Variants in DIAPH3 observed in about 807,000 individuals in gnomAD.
DIAPH3 encodes the protein diaphanous related formin 3, also known as protein diaphanous homolog 3.
DIAPH3 carries 117 observed loss-of-function variants against 144.3 expected under a neutral mutation model. The ratio of observed to expected loss-of-function variants is 0.81; its 90% confidence interval spans 0.70 to 0.95. The LOEUF (loss-of-function observed/expected upper bound fraction) is 0.95, where lower values mean the gene tolerates loss of function less well. Among genes scored for constraint, DIAPH3 ranks in the 40% least tolerant of loss-of-function variants. The pLI is 0.00. For missense variants in DIAPH3, 1,421 were observed against 1,412.7 expected (o/e 1.01, Z -0.09); for synonymous variants, 519 against 488.9 (o/e 1.06, Z -0.81).
intron 24 of DIAPH3, 146 bp downstream of exon 24, chr13:59,832,961 T>C (rs1339740859): frequency 7.0e-6 from 5 of 713,764 alleles, no homozygotes; most frequent in South Asian, 3.2e-5. Flanking sequence ...CATTTTTCAA[T>C]AGATTTTTAA....
intron 18 of DIAPH3, among the ~76,000 whole-genome samples, chr13:59,921,064 A>G (rs1593991809): frequency 6.6e-6 from 1 of 151,814 alleles, no homozygotes; most frequent in Admixed American, 6.6e-5. Flanking sequence ...GAAACACAAC[A>G]TACCAAAATA....
At chr13:59,967,206 A>G (rs2050104809) in intron 17 of DIAPH3, among the ~76,000 whole-genome samples, 1 of 151,276 alleles carries the variant, frequency 6.6e-6, no homozygotes, top group African/African-American at 2.4e-5. Context: ...AGCTGGGACT[A>G]CAGGTGTGCA....
intron 9 of DIAPH3, among the ~76,000 whole-genome samples, chr13:59,995,669 T>C (rs1427226076): frequency 1.3e-5 from 2 of 151,852 alleles, no homozygotes; most frequent in African/African-American, 2.4e-5. Flanking sequence ...AAGGATGAAA[T>C]TGTAATTTAT....
At chr13:59,828,455 A>G (rs1476882374) in intron 24 of DIAPH3, among the ~76,000 whole-genome samples, 2 of 151,784 alleles carry the variant, frequency 1.3e-5, no homozygotes, top group East Asian at 3.9e-4. Context: ...AAAAATTACA[A>G]CCTTGGCTTT....
intron 20 of DIAPH3, among the ~76,000 whole-genome samples, chr13:59,883,855 C>G (rs944735015): frequency 2.0e-5 from 3 of 152,222 alleles, no homozygotes; most frequent in African/African-American, 7.2e-5. Context: ...CTGCAATGAG[C>G]TCTGCCTGCC....
At chr13:59,846,344 C>G (rs2042630961) in intron 22 of DIAPH3, among the ~76,000 whole-genome samples, 1 of 151,940 alleles carries the variant, frequency 6.6e-6, no homozygotes, top group Non-Finnish European at 1.5e-5. Flanking sequence ...TGATACAATC[C>G]AGGGAAATTG....
intron 4 of DIAPH3, among the ~76,000 whole-genome samples, chr13:60,086,153 A>C (rs2057739779): frequency 6.6e-6 from 1 of 152,144 alleles, no homozygotes; most frequent in Non-Finnish European, 1.5e-5. Flanking sequence ...TGTGAGCCTA[A>C]TATAATTTAC....
chr13:60,014,635 G>C (rs192412088), intron 7 of DIAPH3, among the ~76,000 whole-genome samples: 4 of 152,136 alleles, frequency 2.6e-5, no homozygotes, highest in African/African-American at 9.6e-5. Context: ...ACTTAAGTGT[G>C]TAGCCCTATA....
At chr13:60,075,948 A>C (rs1248245975) in intron 4 of DIAPH3, among the ~76,000 whole-genome samples, 1 of 152,240 alleles carries the variant, frequency 6.6e-6, no homozygotes, top group African/African-American at 2.4e-5. Context: ...AAGAAATAGC[A>C]GTCCACCCTG....
rs930591193 is a variant in DIAPH3 at position 59,864,408 on chromosome 13, T to G, written c.2608-2872A>C. ...ACTACTTGGGGAACACTGTTCCTAC[T>G]CTGAATTCTCGGCAACCCATTTTTA... On this transcript the variant is annotated intron_variant, in intron 21 of 27. Coordinates refer to ENST00000400324, the MANE Select transcript of DIAPH3 (RefSeq NM_001042517.2). Among the ~76,000 whole-genome samples, 5 of 152,202 alleles carry G rather than the reference T, an allele frequency of 3.3e-5. No individual in the cohort carries two copies. The East Asian group carries it at 9.7e-4, about 29-fold the overall frequency.
chr13:59,817,463 T>G (rs1219405436), intron 24 of DIAPH3, among the ~76,000 whole-genome samples: 1 of 151,930 alleles, frequency 6.6e-6, no homozygotes, highest in African/African-American at 2.4e-5. Context: ...TTGAGTCAAT[T>G]GTACCTATTA....
intron 22 of DIAPH3, among the ~76,000 whole-genome samples, chr13:59,847,629 A>C (rs1309019414): frequency 6.6e-6 from 1 of 152,212 alleles, no homozygotes; most frequent in Admixed American, 6.5e-5. Context: ...TTTAATAACA[A>C]TATTCAAAAT....
intron 21 of DIAPH3, among the ~76,000 whole-genome samples, chr13:59,864,874 G>C (rs2043823840): frequency 1.3e-5 from 2 of 151,930 alleles, no homozygotes; most frequent in African/African-American, 4.8e-5. Context: ...ATAGTAAAGG[G>C]AAGCACAATA....
intron 25 of DIAPH3, among the ~76,000 whole-genome samples, chr13:59,806,677 AG>A (rs1292328354): frequency 2.6e-5 from 4 of 151,972 alleles, no homozygotes; most frequent in Non-Finnish European, 4.4e-5. Context: ...TCATTACAGC[AG>A]GAACCTTTTT....
chr13:59,976,177 G>A (rs2050671956), intron 14 of DIAPH3, among the ~76,000 whole-genome samples: 2 of 151,820 alleles, frequency 1.3e-5, no homozygotes, highest in Admixed American at 6.6e-5. Context: ...TTTCTGACCT[G>A]TTGAACTCTG....
chr13:60,067,231 G>A (rs1450424986), intron 4 of DIAPH3, among the ~76,000 whole-genome samples: 1 of 151,890 alleles, frequency 6.6e-6, no homozygotes, highest in Non-Finnish European at 1.5e-5. Context: ...GCTGCAGTAA[G>A]CCATGATCAC....
At chr13:59,983,205 T>TAA (rs5803980) in intron 13 of DIAPH3, among the ~76,000 whole-genome samples, 4 of 125,100 alleles carry the variant, frequency 3.2e-5, no homozygotes, top group Admixed American at 8.5e-5. Flanking sequence ...ATTCCAAGTT[T>TAA]AAAAAAAAAA....
At chr13:59,812,248 G>GCATCCATCCATC (rs67202819) in intron 24 of DIAPH3, among the ~76,000 whole-genome samples, 1 of 150,022 alleles carries the variant, frequency 6.7e-6, no homozygotes, top group African/African-American at 2.5e-5. Flanking sequence ...ATGCATGCAT[G>GCATCCATCCATC]CATCCATCCA....
At chr13:60,110,656 C>G (rs185649459) in intron 3 of DIAPH3, among the ~76,000 whole-genome samples, 1 of 152,132 alleles carries the variant, frequency 6.6e-6, no homozygotes, top group Admixed American at 6.5e-5. Context: ...TTGTCTCATC[C>G]CTTAGCAAAT....
Sources: allele counts gnomAD v4.1 joint callset (sites outside exome capture counted in the v4.1 genomes callset), GRCh38; gene constraint gnomAD v4.1.1; transcripts MANE v1.5; gene names NCBI Gene and HGNC (gene_info 2026-07-23, HGNC 2026-07-21).